Variants in DNTTIP1 observed in about 807,000 individuals in gnomAD.
The protein encoded by DNTTIP1 is deoxynucleotidyltransferase terminal-interacting protein 1.
In DNTTIP1, 22 loss-of-function variants were observed where a neutral mutation model predicts 52.9. That is an observed-to-expected ratio of 0.42 (90% confidence interval 0.30 to 0.59). DNTTIP1 has a LOEUF of 0.59. DNTTIP1 is among the 20% of genes least tolerant of loss of function. The pLI is 0.22. For synonymous variants in DNTTIP1, 136 were observed against 155.1 expected (o/e 0.88, Z 0.92); for missense variants, 286 against 435.5 (o/e 0.66, Z 3.06).
intron 4 of DNTTIP1, among the ~76,000 whole-genome samples, chr20:45,799,952 CAAAA>C (rs11360135): frequency 7.2e-5 from 9 of 125,484 alleles, no homozygotes; most frequent in African/African-American, 1.8e-4. Flanking sequence ...CTAAAAATAC[CAAAA>C]AAAAAAAAAA....
intron 10 of DNTTIP1, among the ~76,000 whole-genome samples, chr20:45,808,662 A>G (rs190346151): frequency 2.6e-5 from 4 of 152,276 alleles, no homozygotes; most frequent in East Asian, 3.9e-4. Flanking sequence ...CAATCAATCA[A>G]TCAATAAACC....
rs530257298 is a variant in DNTTIP1 at position 45,808,411 on chromosome 20, T to C, written c.724-703T>C. 6.6e-5 allele frequency among the ~76,000 whole-genome samples: 10 copies of C among 152,122 alleles called. No individual in the cohort carries two copies. In the South Asian group the frequency reaches 2.1e-3, roughly 32 times the overall value. The stretch of plus-strand genomic sequence containing the variant: ...ATCCCAGCACTTTGGGAGCCCGAGG[T>C]GGGCAGATCACCTGAGGTCGGGAGT... On this transcript the variant is annotated intron_variant, in intron 10 of 12. Transcript: ENST00000372622.
rs550474210 is a variant in DNTTIP1, at chr20:45,809,166, G to T, written c.776G>T (p.Arg259Leu). 2 of 1,614,046 alleles carry T rather than the reference G, an allele frequency of 1.2e-6. No homozygotes were observed. The highest frequency in any genetic ancestry group is 1.7e-6 in the Non-Finnish European group (2 of 1,180,002). Residue 259 changes from arginine to leucine, a missense_variant, in exon 11 of 13, where the codon CGG becomes CTG. Transcript: ENST00000372622. The surrounding 1 kb of genome is among the most constrained non-coding windows in gnomAD (Gnocchi z 4.2). ...TGGCTGGCTGAGCAGCATCACATGC[G>T]GGCAACAGGGGGCAAGATGGTAAGC... ...KHWLAEQHHM[R>L]ATGGKMAYLL... is the part of the protein sequence containing the mutation.
chr20:45,801,598 G>T (rs994755006), intron 6 of DNTTIP1, 140 bp downstream of exon 6: 3 of 822,802 alleles, frequency 3.6e-6, no homozygotes, highest in Non-Finnish European at 5.8e-6. Flanking sequence ...AGACCAGTCT[G>T]GGTAACATAG....
rs558373987 is a variant in DNTTIP1, at chr20:45,809,390, C to T, written c.795+205C>T. ...CTTCCCTATCCCTAGGTCTCCCTTCCGCCCCCTCACACTTTTACCTCATGC... is the reference window on the plus strand; with the variant it reads ...CTTCCCTATCCCTAGGTCTCCCTTCTGCCCCCTCACACTTTTACCTCATGC... On this transcript the variant is annotated intron_variant, in intron 11 of 12. Coordinates refer to ENST00000372622, the MANE Select transcript of DNTTIP1 (RefSeq NM_052951.3). This position sits in a 1 kb window ranked among gnomAD's most constrained non-coding sequence, Gnocchi z 4.2. Among the ~76,000 whole-genome samples the T allele has an allele frequency of 2.6e-5, 4 of 152,278 alleles. No individual in the cohort carries two copies. The highest frequency in any genetic ancestry group is 1.9e-4 in the East Asian group (1 of 5,186).
chr20:45,809,004 A>C lies in DNTTIP1; in HGVS notation c.724-110A>C. 1 of 925,488 alleles carries C rather than the reference A, an allele frequency of 1.1e-6. No individual in the cohort carries two copies. The highest frequency in any genetic ancestry group is 1.4e-5 in the South Asian group (1 of 70,458). 57.3% of individuals were successfully genotyped at this position (925,488 alleles called of 1,614,324 possible). A position where few individuals can be genotyped will look rare whatever the true frequency, so the allele number is the denominator to read the frequency against. On this transcript the variant is annotated intron_variant, in intron 10 of 12. Coordinates refer to ENST00000372622, the MANE Select transcript of DNTTIP1 (RefSeq NM_052951.3). This position sits in a 1 kb window ranked among gnomAD's most constrained non-coding sequence, Gnocchi z 4.2. ...AGCCCTCTAAGTCCACCACGCTTGGAGACAAGGACTTTTGGTAAGAACTGC... is the reference window on the plus strand; with the variant it reads ...AGCCCTCTAAGTCCACCACGCTTGGCGACAAGGACTTTTGGTAAGAACTGC...
intron 10 of DNTTIP1, among the ~76,000 whole-genome samples, chr20:45,807,132 T>G (rs1981676071): frequency 6.6e-6 from 1 of 152,134 alleles, no homozygotes; most frequent in Non-Finnish European, 1.5e-5. Flanking sequence ...CAACCATTTT[T>G]TTTTTTCTGA....
rs775404511 is a variant in DNTTIP1 at position 45,801,402 on chromosome 20, C to T, written c.442C>T (p.Arg148Cys). ...RLTHELPGIK[R>C]GRQAEEECAH... ...CTGACTCCCTTCCCTTTTCTTTTAG[C>T]GTGGCCGTCAGGCAGAAGAAGAATG... The change falls in exon 6 of 13, where the codon CGT becomes TGT. Residue 148 changes from arginine to cysteine, a missense_variant and splice_region_variant. Physicochemically the swap from Arg to Cys is radical, Grantham distance 180 (BLOSUM62 -3). Around this residue, in one of 2 missense-constraint regions of DNTTIP1, gnomAD observed 208 missense variants for 266.5 expected, o/e 0.78. Transcript: ENST00000372622. The T allele has an allele frequency of 3.1e-6, 5 of 1,614,090 alleles. No homozygotes were observed. Among genetic ancestry groups the T allele is most frequent in the Non-Finnish European group, 4.2e-6 (5 of 1,180,004 alleles).
Position 45,811,311 on chromosome 20 carries a change from G to A in DNTTIP1, c.*116G>A. On this transcript the variant is annotated 3_prime_UTR_variant, in exon 13 of 13. Transcript: ENST00000372622. ...ATCTCAGCGGCATTAAGCTGTGCCT[G>A]AGCGAGTTTGTAGTGACTCACTGCA... is the stretch of plus-strand genomic sequence containing the variant. 1 of 1,287,986 alleles carries A rather than the reference G, an allele frequency of 7.8e-7. No homozygotes were observed. The highest frequency in any genetic ancestry group is 1.1e-6 in the Non-Finnish European group (1 of 946,322). 79.8% of individuals were successfully genotyped at this position (1,287,986 alleles called of 1,614,324 possible).
chr20:45,799,883 A>G (rs1338795593), intron 4 of DNTTIP1, among the ~76,000 whole-genome samples: 1 of 151,150 alleles, frequency 6.6e-6, no homozygotes, highest in Non-Finnish European at 1.5e-5. Flanking sequence ...TGAGGCGGGC[A>G]GATCACGAGG....
chr20:45,806,362 A>G (rs905446727), intron 10 of DNTTIP1, among the ~76,000 whole-genome samples: 7 of 151,768 alleles, frequency 4.6e-5, no homozygotes, highest in African/African-American at 1.7e-4. Context: ...TCTCAAAAAA[A>G]AAAAAATAGA....
At chr20:45,792,798 C>T (rs1193019440) in intron 2 of DNTTIP1, 51 bp downstream of exon 2, 1 of 1,543,014 alleles carries the variant, frequency 6.5e-7, no homozygotes. Context: ...GCTTGCATGG[C>T]AGATTTGGGA....
At chr20:45,803,234 G>A in intron 7 of DNTTIP1, 99 bp from the exon 8 acceptor site, 1 of 1,188,334 alleles carries the variant, frequency 8.4e-7, no homozygotes, top group South Asian at 1.3e-5. Flanking sequence ...CAGGGCTAAA[G>A]TGAGAGTGTG....
Position 45,805,352 on chromosome 20 carries a change from C to T in DNTTIP1, c.709C>T (p.Pro237Ser). The T allele has an allele frequency of 6.2e-7, 1 of 1,614,114 alleles. No individual in the cohort carries two copies. The highest frequency in any genetic ancestry group is 2.2e-5 in the East Asian group (1 of 44,888). ...GTRGRIYIKH[P>S]HLFKYAADPQ... ...CAGAGGAAGAATCTACATCAAGCAC[C>T]CACACCTCTTTAAGGTAGGTGACTG... is the stretch of plus-strand genomic sequence containing the variant. Residue 237 changes from proline to serine, a missense_variant, in exon 10 of 13, where the codon CCA becomes TCA. This residue lies in a region of DNTTIP1 where 78 missense variants were observed against 169.0 expected (regional missense o/e 0.46). Coordinates refer to ENST00000372622, the MANE Select transcript of DNTTIP1 (RefSeq NM_052951.3).
chr20:45,795,593 G>GT lies in DNTTIP1; in HGVS notation c.372+153dup, dbSNP rs1179136514. 5.7e-6 allele frequency: 3 copies of GT among 530,072 alleles called. No individual in the cohort carries two copies. In the Admixed American group the frequency reaches 9.7e-5, roughly 17 times the overall value. The allele number at this position is 530,072 out of a possible 1,614,324, so 32.8% of individuals were successfully genotyped here. A position where few individuals can be genotyped will look rare whatever the true frequency, so the allele number is the denominator to read the frequency against. Reference sequence around the variant, plus strand: ...GTGGGCAGATCACTCAAGGCCAGGAGTTTGAGACCAGCTTGGGCAACGTGG... The same window carrying GT: ...GTGGGCAGATCACTCAAGGCCAGGAGTTTTGAGACCAGCTTGGGCAACGTGG... On this transcript the variant is annotated intron_variant, in intron 4 of 12. Transcript: ENST00000372622.
chr20:45,797,157 G>A (rs994100288), intron 4 of DNTTIP1, among the ~76,000 whole-genome samples: 9 of 152,104 alleles, frequency 5.9e-5, no homozygotes, highest in East Asian at 3.9e-4. Context: ...ACTGATCTCC[G>A]TAAAGATGAA....
chr20:45,811,064 C>G lies in DNTTIP1; in HGVS notation c.859C>G (p.Leu287Val), dbSNP rs762458070. 4 of 1,613,582 alleles carry G rather than the reference C, an allele frequency of 2.5e-6. No homozygotes were observed. The change falls in exon 13 of 13, where the codon CTG becomes GTG. Residue 287 changes from leucine to valine, a missense_variant. This residue lies in a region of DNTTIP1 where 78 missense variants were observed against 169.0 expected (regional missense o/e 0.46). Coordinates refer to ENST00000372622, the MANE Select transcript of DNTTIP1 (RefSeq NM_052951.3). ...CTTCAATGTCTGTTCCAGAGGATGC[C>G]TGGATCTGAAGCTAGAGGAATTGAA... ...LAASDDYRGC[L>V]DLKLEELKSF...
At chr20:45,801,017 A>G in intron 4 of DNTTIP1, 57 bp from the exon 5 acceptor site, 3 of 1,388,994 alleles carry the variant, frequency 2.2e-6, no homozygotes, top group Non-Finnish European at 3.0e-6. Context: ...GGAAGTAGGT[A>G]GGGTGTGCTT....
At chr20:45,799,564 A>G (rs1192443969) in intron 4 of DNTTIP1, among the ~76,000 whole-genome samples, 1 of 152,182 alleles carries the variant, frequency 6.6e-6, no homozygotes, top group African/African-American at 2.4e-5. Flanking sequence ...CTCAACTCAG[A>G]GGCCACCTTC....
Sources: gnomAD v4.1 joint callset for allele counts (sites outside exome capture counted in the v4.1 genomes callset) on GRCh38, gnomAD v4.1.1 for gene constraint, gnomAD v4.1.1 regional missense constraint, Gnocchi (gnomAD v3.1) non-coding constraint, MANE v1.5 for transcripts, NCBI Gene and HGNC (gene_info 2026-07-23, HGNC 2026-07-21) for gene names.